CLYBL: variants seen among roughly 807,000 people sequenced by gnomAD.
CLYBL encodes citramalyl-CoA lyase, also known as citramalyl-CoA lyase, mitochondrial.
Under a neutral mutation model 38.9 loss-of-function variants are expected in CLYBL, and 31 were observed. The observed-to-expected ratio is 0.80, with a 90% CI of 0.60 to 1.08. The LOEUF (loss-of-function observed/expected upper bound fraction) is 1.08, where lower values mean the gene tolerates loss of function less well. Ranked by LOEUF, CLYBL falls within the 50% of genes least tolerant of loss-of-function variation. CLYBL has a pLI of 0.00. For synonymous variants in CLYBL, 171 were observed against 158.6 expected (o/e 1.08, Z -0.59); for missense variants, 434 against 411.6 (o/e 1.05, Z -0.47).
In CLYBL at chr13:99,871,027, A is replaced by G; in HGVS notation, c.892A>G (p.Ile298Val). The G allele has an allele frequency of 6.2e-7, 1 of 1,614,078 alleles. No homozygotes were observed. The highest frequency in any genetic ancestry group is 8.5e-7 in the Non-Finnish European group (1 of 1,179,954). Residue 298 changes from isoleucine (I) to valine (V), a missense_variant, in exon 7 of 9, where the codon ATT (isoleucine) becomes GTT (valine). Physicochemically the swap from Ile to Val is conservative, Grantham distance 29. Coordinates refer to ENST00000339105, the MANE Select transcript of CLYBL (RefSeq NM_206808.5). ...PEKIKWAEELIAAFKEHQQLG... is the reference protein window; with the variant it reads ...PEKIKWAEELVAAFKEHQQLG... ...AAAAATTAAGTGGGCTGAAGAACTG[A>G]TTGCTGCCTTTAAAGAACATCAACA... is the stretch of plus-strand genomic sequence containing the variant.
intron 9 of CLYBL, among the ~76,000 whole-genome samples, chr13:99,908,036 A>G (rs769483020): frequency 6.6e-6 from 1 of 152,204 alleles, no homozygotes; most frequent in Non-Finnish European, 1.5e-5. Context: ...CCTGAGCTCC[A>G]GTCACCTGTT....
chr13:99,812,053 C>T (rs879214993), intron 2 of CLYBL, among the ~76,000 whole-genome samples: 4 of 152,116 alleles, frequency 2.6e-5, no homozygotes, highest in Admixed American at 2.0e-4. Flanking sequence ...AGTTTGCAGC[C>T]GACATATTGG....
intron 1 of CLYBL, among the ~76,000 whole-genome samples, chr13:99,744,883 C>A (rs1166058546): frequency 2.0e-5 from 3 of 152,218 alleles, no homozygotes; most frequent in Non-Finnish European, 2.9e-5. Context: ...CTCAGTGTTT[C>A]TCTGTCCTCC....
intron 1 of CLYBL, among the ~76,000 whole-genome samples, chr13:99,631,604 A>T (rs930179048): frequency 1.4e-5 from 2 of 146,544 alleles, no homozygotes; most frequent in East Asian, 2.0e-4. Flanking sequence ...TTCACACCAA[A>T]TTTTTTTTTT....
chr13:99,668,196 C>T (rs1299631605), intron 1 of CLYBL, among the ~76,000 whole-genome samples: 2 of 152,002 alleles, frequency 1.3e-5, no homozygotes, highest in Non-Finnish European at 2.9e-5. Context: ...ATCGTTTGAG[C>T]CCAGGAGGCA....
chr13:99,865,219 A>T lies in CLYBL; in HGVS notation c.634+308A>T, dbSNP rs923211956. 2.7e-6 allele frequency: 1 copy of T among 375,066 alleles called. No individual in the cohort carries two copies. The highest frequency in any genetic ancestry group is 2.1e-5 in the African/African-American group (1 of 47,688). 23.2% of individuals were successfully genotyped at this position (375,066 alleles called of 1,614,324 possible). ...GGCATCTCCTTTGCTCCTAATAAAT[A>T]TATTATGTGAACAGCCTCACCGTTG... On this transcript the variant is annotated intron_variant, in intron 5 of 8. Coordinates refer to ENST00000339105, the MANE Select transcript of CLYBL (RefSeq NM_206808.5). The surrounding 1 kb of genome is among the most constrained non-coding windows in gnomAD (Gnocchi z 4.7).
At chr13:99,873,512 AC>A (rs2051961663) in intron 7 of CLYBL, among the ~76,000 whole-genome samples, 1 of 152,126 alleles carries the variant, frequency 6.6e-6, no homozygotes. Context: ...TTTCCAAAAG[AC>A]CTTTTTCCTC....
chr13:99,770,459 A>G (rs1172507036), intron 1 of CLYBL, among the ~76,000 whole-genome samples: 1 of 152,064 alleles, frequency 6.6e-6, no homozygotes, highest in Non-Finnish European at 1.5e-5. Context: ...CTGGGACTAC[A>G]GGCGCCCGCC....
chr13:99,877,763 G>C (rs934234837), intron 7 of CLYBL: 1 of 220,948 alleles, frequency 4.5e-6, no homozygotes, highest in South Asian at 5.1e-5. Flanking sequence ...TAGTAGAGAC[G>C]GTGTTTCACC....
chr13:99,829,729 G>A (rs567341055), intron 2 of CLYBL, among the ~76,000 whole-genome samples: 23 of 152,284 alleles, frequency 1.5e-4, no homozygotes, highest in African/African-American at 5.5e-4. Flanking sequence ...AGGGTACAGT[G>A]AAGGATCAGG....
At chr13:99,755,597 T>G (rs2138712870) in intron 1 of CLYBL, among the ~76,000 whole-genome samples, 1 of 152,332 alleles carries the variant, frequency 6.6e-6, no homozygotes, top group South Asian at 2.1e-4. Flanking sequence ...CAGTCGAAAC[T>G]TCTGGATTCT....
At chr13:99,624,075 A>G (rs1484739883) in intron 1 of CLYBL, among the ~76,000 whole-genome samples, 2 of 152,194 alleles carry the variant, frequency 1.3e-5, no homozygotes, top group African/African-American at 4.8e-5. Flanking sequence ...ATAGATACCT[A>G]AAGGCCATGT....
intron 2 of CLYBL, among the ~76,000 whole-genome samples, chr13:99,807,319 G>A (rs912694112): frequency 1.3e-5 from 2 of 152,162 alleles, no homozygotes; most frequent in African/African-American, 2.4e-5. Flanking sequence ...AAGCCACGAA[G>A]GTCTGATTTG....
At chr13:99,713,582 C>G (rs1016934453) in intron 1 of CLYBL, among the ~76,000 whole-genome samples, 42 of 151,972 alleles carry the variant, frequency 2.8e-4, no homozygotes, top group Admixed American at 2.5e-3. Context: ...TCAGGTGATC[C>G]GCCCTCCTTG....
rs1425146312 is a variant in CLYBL at position 99,732,965 on chromosome 13, A to G, written c.63-39859A>G. Among the ~76,000 whole-genome samples, 6 of 152,352 alleles carry G rather than the reference A, an allele frequency of 3.9e-5. No individual in the cohort carries two copies. The South Asian group carries it at 1.0e-3, about 26-fold the overall frequency. ...TAAAATGCTTTACAAATAATTATTA[A>G]TGATACTGTATGATTAAGGAAAGGG... On this transcript the variant is annotated intron_variant, in intron 1 of 8. Transcript: ENST00000339105.
At chr13:99,901,500 G>C (rs540160425), downstream of CLYBL, among the ~76,000 whole-genome samples, 1 of 152,152 alleles carries the variant, frequency 6.6e-6, no homozygotes, top group Admixed American at 6.5e-5. Context: ...GAGAGACCCC[G>C]AGAGAGACCC....
chr13:99,763,400 C>G (rs1453709929), intron 1 of CLYBL, among the ~76,000 whole-genome samples: 1 of 151,944 alleles, frequency 6.6e-6, no homozygotes, highest in Non-Finnish European at 1.5e-5. Context: ...TTATCAAATG[C>G]TTTTTTGGCA....
In CLYBL at chr13:99,849,621, C is replaced by T. The variant is rs940319751; in HGVS notation, c.250-9240C>T. On this transcript the variant is annotated intron_variant, in intron 2 of 8. Transcript: ENST00000339105. This position sits in a 1 kb window ranked among gnomAD's most constrained non-coding sequence, Gnocchi z 4.9. ...CTTCTCAGCACCAGCTCCACATTGTCCTATGAGTTTGAGTCAGAGGTGCCT... is the reference window on the plus strand; with the variant it reads ...CTTCTCAGCACCAGCTCCACATTGTTCTATGAGTTTGAGTCAGAGGTGCCT... Among the ~76,000 whole-genome samples, 3 of 152,258 alleles carry T rather than the reference C, an allele frequency of 2.0e-5. No individual in the cohort carries two copies. Among genetic ancestry groups the T allele is most frequent in the African/African-American group, 7.2e-5 (3 of 41,462 alleles).
At chr13:99,652,615 C>G (rs181271926) in intron 1 of CLYBL, among the ~76,000 whole-genome samples, 1 of 152,252 alleles carries the variant, frequency 6.6e-6, no homozygotes, top group Non-Finnish European at 1.5e-5. Context: ...ATTGATTTGC[C>G]AAAAGTAGGA....
Sources: gnomAD v4.1 joint callset for allele counts (sites outside exome capture counted in the v4.1 genomes callset) on GRCh38, gnomAD v4.1.1 for gene constraint, Gnocchi (gnomAD v3.1) non-coding constraint, MANE v1.5 for transcripts, NCBI Gene and HGNC (gene_info 2026-07-23, HGNC 2026-07-21) for gene names.